Variants in SMIM8 observed in about 807,000 individuals in gnomAD.
SMIM8 encodes the protein UPF0708 protein C6orf162.
Under a neutral mutation model 8.1 loss-of-function variants are expected in SMIM8, and 8 were observed. The observed-to-expected ratio is 0.99, with a 90% CI of 0.58 to 1.78. The LOEUF (loss-of-function observed/expected upper bound fraction) is 1.78. SMIM8 is among the 40% of genes most tolerant of loss of function. The probability of loss-of-function intolerance (pLI) is 0.00; values close to 1 mark genes in which losing one functional copy is unlikely to be tolerated. For synonymous variants in SMIM8, 45 were observed against 39.7 expected (o/e 1.13, Z -0.50); for missense variants, 126 against 119.8 (o/e 1.05, Z -0.24).
At chr6:87,331,875 ACT>A in intron 2 of SMIM8, among the ~76,000 whole-genome samples, 1 of 152,188 alleles carries the variant, frequency 6.6e-6, no homozygotes, top group South Asian at 2.1e-4. Context: ...AGAAAATGTT[ACT>A]CTCATACTTT....
At chr6:87,332,336 TATATATAA>T (rs1777013852) in intron 2 of SMIM8, among the ~76,000 whole-genome samples, 1 of 148,426 alleles carries the variant, frequency 6.7e-6, no homozygotes, top group East Asian at 2.0e-4. Flanking sequence ...TGTATATATA[TATATATAA>T]ATGACAGCAG....
At chr6:87,322,958 A>G (rs1266865085) in intron 1 of SMIM8, 9 of 151,958 alleles carry the variant, frequency 5.9e-5, no homozygotes, top group Non-Finnish European at 1.3e-4. Context: ...GTCTTGGCTC[A>G]CCAGACTCAT....
At chr6:87,333,271 TC>T (rs1439461192) in intron 2 of SMIM8, among the ~76,000 whole-genome samples, 1 of 152,008 alleles carries the variant, frequency 6.6e-6, no homozygotes, top group Non-Finnish European at 1.5e-5. Context: ...CTCCCCACGC[TC>T]CCCGAGGAAG....
At chr6:87,330,434 A>G (rs1247899266) in intron 1 of SMIM8, among the ~76,000 whole-genome samples, 4 of 152,148 alleles carry the variant, frequency 2.6e-5, no homozygotes, top group East Asian at 1.9e-4. Context: ...TGCATGTACA[A>G]TATATTAATA....
In SMIM8 at chr6:87,341,723, A is replaced by G. The variant is rs1239234851; in HGVS notation, c.*1449A>G. 6.4e-6 allele frequency: 1 copy of G among 156,568 alleles called. No homozygotes were observed. Among genetic ancestry groups the G allele is most frequent in the Non-Finnish European group, 1.4e-5 (1 of 71,196 alleles). 9.7% of individuals were successfully genotyped at this position (156,568 alleles called of 1,614,324 possible). On this transcript the variant is annotated 3_prime_UTR_variant, in exon 4 of 4. Transcript: ENST00000392863. ...AAAGAACTTAGCTAATTGAATTTAC[A>G]TGAAACTAAATAAAATCTTTACTAC...
At chr6:87,331,151 G>T (rs548053784) in intron 2 of SMIM8, among the ~76,000 whole-genome samples, 1 of 152,180 alleles carries the variant, frequency 6.6e-6, no homozygotes, top group Non-Finnish European at 1.5e-5. Flanking sequence ...AATATCATAT[G>T]TAAGTAAATG....
chr6:87,337,448 A>G (rs1431112788), intron 3 of SMIM8, among the ~76,000 whole-genome samples: 1 of 152,206 alleles, frequency 6.6e-6, no homozygotes, highest in Admixed American at 6.5e-5. Context: ...TAATAGTTGC[A>G]TTAATTTGAA....
intron 1 of SMIM8, among the ~76,000 whole-genome samples, chr6:87,326,079 G>A (rs1464321903): frequency 1.3e-5 from 2 of 152,170 alleles, no homozygotes; most frequent in Admixed American, 6.5e-5. Flanking sequence ...ATTCTCTGAT[G>A]GTAGTTTGTA....
At position 87,336,989 on chromosome 6, in the gene SMIM8, ATATAT is replaced by A; in HGVS notation, c.-23-16_-23-12del. On this transcript the variant is annotated splice_polypyrimidine_tract_variant and intron_variant, in intron 2 of 3. Coordinates refer to ENST00000392863, the MANE Select transcript of SMIM8 (RefSeq NM_001042493.3). ...AGAAGCACAATTATGAAGGGAAAAAATATATTATTTTGTTTTTAGATAATAAATCA... is the reference window on the plus strand; with the variant it reads ...AGAAGCACAATTATGAAGGGAAAAAATATTTTGTTTTTAGATAATAAATCA... 6.5e-7 allele frequency: 1 copy of A among 1,531,146 alleles called. No individual in the cohort carries two copies. The allele number at this position is 1,531,146 out of a possible 1,614,324, so 94.8% of individuals were successfully genotyped here.
At chr6:87,329,570 C>T (rs761150243) in intron 1 of SMIM8, among the ~76,000 whole-genome samples, 9 of 152,178 alleles carry the variant, frequency 5.9e-5, no homozygotes, top group Non-Finnish European at 1.3e-4. Flanking sequence ...GGATTGCAGG[C>T]GTGAGCCACC....
chr6:87,332,776 A>G (rs539993158), intron 2 of SMIM8, among the ~76,000 whole-genome samples: 1 of 27,258 alleles, frequency 3.7e-5, no homozygotes, highest in East Asian at 8.1e-4. Context: ...TTACCTTTGT[A>G]TATTTGCTTT....
intron 3 of SMIM8, among the ~76,000 whole-genome samples, chr6:87,339,006 C>T (rs1023009539): frequency 5.6e-5 from 8 of 143,688 alleles, no homozygotes; most frequent in African/African-American, 2.1e-4. Context: ...GCCAGGAGTT[C>T]AACATACTGA....
In SMIM8 at chr6:87,339,325, C is replaced by CGTGTGT. The variant is rs59321615; in HGVS notation, c.136-749_136-744dup. On this transcript the variant is annotated intron_variant, in intron 3 of 3. Transcript: ENST00000392863. Reference sequence around the variant, plus strand: ...TCTTAACAACAACAACAAAACACAGCGTGTGTGTGTGTGTGTGTGTGTGTG... The same window carrying CGTGTGT: ...TCTTAACAACAACAACAAAACACAGCGTGTGTGTGTGTGTGTGTGTGTGTGTGTGTG... Among the ~76,000 whole-genome samples the CGTGTGT allele has an allele frequency of 1.7e-3, 213 of 124,176 alleles. 3 individuals are homozygous for CGTGTGT. The highest frequency in any genetic ancestry group is 2.7e-3 in the Admixed American group (33 of 12,240). The allele number at this position is 124,176 out of a possible 152,430, so 81.5% of individuals were successfully genotyped here.
intron 1 of SMIM8, among the ~76,000 whole-genome samples, chr6:87,328,892 G>A (rs905614118): frequency 6.6e-6 from 1 of 152,210 alleles, no homozygotes; most frequent in Non-Finnish European, 1.5e-5. Context: ...TGCTGTGCTA[G>A]CAATCAGCCA....
chr6:87,339,433 TG>T (rs1196107658), intron 3 of SMIM8, among the ~76,000 whole-genome samples: 3,419 of 93,334 alleles, frequency 0.037, 178 homozygotes, highest in African/African-American at 0.14. Context: ...TGTGTGTGTG[TG>T]TTTGTGTGTG....
chr6:87,325,844 C>T (rs1003698506), intron 1 of SMIM8, among the ~76,000 whole-genome samples: 1 of 152,246 alleles, frequency 6.6e-6, no homozygotes, highest in Non-Finnish European at 1.5e-5. Flanking sequence ...AGGAATGGTA[C>T]CAGTTCCTCC....
chr6:87,327,987 C>T (rs367896737), intron 1 of SMIM8, among the ~76,000 whole-genome samples: 14 of 151,440 alleles, frequency 9.2e-5, no homozygotes, highest in East Asian at 3.9e-4. Context: ...CTTCCCTTCT[C>T]GCTTCATTTC....
At chr6:87,337,202 AT>A (rs1777134191) in intron 3 of SMIM8, 36 bp downstream of exon 3, 1 of 1,544,640 alleles carries the variant, frequency 6.5e-7, no homozygotes, top group South Asian at 1.3e-5. Flanking sequence ...TTTGTGTTTA[AT>A]CCAACCAGAC....
At chr6:87,339,588 AAGAG>A (rs1293263659) in intron 3 of SMIM8, among the ~76,000 whole-genome samples, 1 of 152,130 alleles carries the variant, frequency 6.6e-6, no homozygotes, top group Non-Finnish European at 1.5e-5. Flanking sequence ...TTTCCCAGAG[AAGAG>A]TGTATACATC....
Sources: gnomAD v4.1 joint callset for allele counts (sites outside exome capture counted in the v4.1 genomes callset) on GRCh38, gnomAD v4.1.1 for gene constraint, MANE v1.5 for transcripts, NCBI Gene and HGNC (gene_info 2026-07-23, HGNC 2026-07-21) for gene names.